Variants in MACF1 observed in about 807,000 individuals in gnomAD.
MACF1 encodes microtubule actin crosslinking factor 1, also known as microtubule-actin cross-linking factor 1.
In MACF1, 193 loss-of-function variants were observed where a neutral mutation model predicts 854.8. The observed-to-expected ratio is 0.23, with a 90% CI of 0.20 to 0.25. The LOEUF (loss-of-function observed/expected upper bound fraction) is 0.25, where lower values mean the gene tolerates loss of function less well. Among genes scored for constraint, MACF1 ranks in the 10% least tolerant of loss-of-function variants. The probability of loss-of-function intolerance (pLI) is 1.00; values close to 1 mark genes in which losing one functional copy is unlikely to be tolerated. For missense variants in MACF1, 7,722 were observed against 8,929.1 expected, an observed-to-expected ratio of 0.86 and a Z score of 5.45; for synonymous variants, 3,185 against 3,226.7, an observed-to-expected ratio of 0.99 and a Z score of 0.44.
At chr1:39,153,718 T>A (rs754695711) in intron 2 of MACF1, among the ~76,000 whole-genome samples, 2 of 152,206 alleles carry the variant, frequency 1.3e-5, no homozygotes, top group Non-Finnish European at 2.9e-5. Flanking sequence ...TCCTTCGAAG[T>A]ATGAAGCCTG....
chr1:39,433,261 T>C (rs898862705), intron 68 of MACF1, 106 bp downstream of exon 68: 1 of 610,876 alleles, frequency 1.6e-6, no homozygotes, highest in Non-Finnish European at 2.8e-6. Flanking sequence ...CCTGGACTTT[T>C]CTTATGATTG....
rs779932581 is a variant in MACF1, at chr1:39,332,104, T to G, written c.5516T>G (p.Leu1839Arg). 5 of 1,614,092 alleles carry G rather than the reference T, an allele frequency of 3.1e-6. No homozygotes were observed. In the South Asian group the frequency reaches 5.5e-5, roughly 18 times the overall value. Residue 1839 changes from leucine (L) to arginine (R), a missense_variant, in exon 37 of 101, where the codon CTT becomes CGT. This residue lies in a region of MACF1 where 1,531 missense variants were observed against 1,601.6 expected (regional missense o/e 0.96). Coordinates refer to ENST00000564288, the MANE Select transcript of MACF1 (RefSeq NM_001394062.1). ...GATCTAGTAGCTGCTAAGATCGCCC[T>G]TGTGATTCTGGAGTCCCTCTGGTCA... ...SNDLVAAKIA[L>R]VILESLWSFM... is the part of the protein sequence containing the mutation.
intron 23 of MACF1, among the ~76,000 whole-genome samples, chr1:39,303,293 T>C (rs1646088311): frequency 6.6e-6 from 1 of 152,242 alleles, no homozygotes; most frequent in Non-Finnish European, 1.5e-5. Context: ...TTCAGTGATA[T>C]TTCTTTTTTA....
intron 99 of MACF1, among the ~76,000 whole-genome samples, chr1:39,483,253 C>G (rs1645049152): frequency 1.3e-5 from 2 of 152,118 alleles, no homozygotes; most frequent in African/African-American, 4.8e-5. Flanking sequence ...TTGGGAAATG[C>G]TTCTATTCAT....
chr1:39,096,064 G>C (rs1267252258), intron 2 of MACF1, among the ~76,000 whole-genome samples: 2 of 151,822 alleles, frequency 1.3e-5, no homozygotes, highest in African/African-American at 4.9e-5. Context: ...AACCACTCAG[G>C]AGGCTGAGGT....
intron 6 of MACF1, among the ~76,000 whole-genome samples, chr1:39,264,714 C>T (rs372316821): frequency 1.8e-3 from 251 of 140,816 alleles, no homozygotes; most frequent in East Asian, 0.017. Flanking sequence ...TCGCCCAGGC[C>T]GGACTGCGGA....
intron 49 of MACF1, among the ~76,000 whole-genome samples, chr1:39,362,011 A>G (rs1306411225): frequency 6.6e-6 from 1 of 152,196 alleles, no homozygotes; most frequent in African/African-American, 2.4e-5. Context: ...GGCATATTAT[A>G]TTTATTTACA....
chr1:39,385,218 C>T (rs1312510093), intron 56 of MACF1, among the ~76,000 whole-genome samples: 2 of 152,098 alleles, frequency 1.3e-5, no homozygotes, highest in East Asian at 1.9e-4. Flanking sequence ...CAGGTGTTCA[C>T]CAGCACGCCC....
At chr1:39,253,333 G>A (rs1645062806) in intron 4 of MACF1, among the ~76,000 whole-genome samples, 1 of 152,058 alleles carries the variant, frequency 6.6e-6, no homozygotes, top group Non-Finnish European at 1.5e-5. Flanking sequence ...CACTATCAAA[G>A]TTTTGTTTGC....
chr1:39,090,900 C>G (rs996466807), intron 2 of MACF1, among the ~76,000 whole-genome samples: 26 of 152,176 alleles, frequency 1.7e-4, no homozygotes, highest in Admixed American at 9.2e-4. Context: ...CCTGGCTGGC[C>G]TCCTTTTTCT....
At chr1:39,479,707 A>G in intron 97 of MACF1, 91 bp from the exon 98 acceptor site, 1 of 1,059,092 alleles carries the variant, frequency 9.4e-7, no homozygotes, top group Non-Finnish European at 1.4e-6. Context: ...AACTTATATA[A>G]CTGTTATCAT....
intron 94 of MACF1, chr1:39,464,589 T>G (rs569887008): frequency 6.4e-6 from 1 of 156,918 alleles, no homozygotes; most frequent in South Asian, 1.9e-4. Flanking sequence ...CAACATAGCA[T>G]GGAGAGTTAG....
chr1:39,165,592 C>T (rs1158369895), intron 2 of MACF1, among the ~76,000 whole-genome samples: 1 of 152,138 alleles, frequency 6.6e-6, no homozygotes, highest in African/African-American at 2.4e-5. Flanking sequence ...GCATACAATA[C>T]CATTTTCCCC....
chr1:39,363,586 CTCTT>C (rs145803766), intron 49 of MACF1, among the ~76,000 whole-genome samples: 36 of 143,318 alleles, frequency 2.5e-4, no homozygotes, highest in Middle Eastern at 3.6e-3. Context: ...ATCAACAAGA[CTCTT>C]TCTTTCTTTC....
At chr1:39,094,913 CA>C (rs1339319682) in intron 2 of MACF1, among the ~76,000 whole-genome samples, 3 of 151,856 alleles carry the variant, frequency 2.0e-5, no homozygotes, top group African/African-American at 7.3e-5. Context: ...ACAAAAACCA[CA>C]AAACACACAG....
chr1:39,239,009 T>C (rs1041640683), intron 2 of MACF1, among the ~76,000 whole-genome samples: 10 of 152,224 alleles, frequency 6.6e-5, no homozygotes, highest in East Asian at 3.9e-4. Flanking sequence ...TGGCTAGGCA[T>C]GGTGGTTCAT....
chr1:39,213,467 G>T (rs571863762), intron 1 of MACF1, among the ~76,000 whole-genome samples: 2 of 152,256 alleles, frequency 1.3e-5, no homozygotes, highest in East Asian at 3.9e-4. Flanking sequence ...AAGTAGCTGG[G>T]ATTACAGGCA....
chr1:39,438,725 C>T (rs1369016788), intron 71 of MACF1, among the ~76,000 whole-genome samples: 1 of 151,828 alleles, frequency 6.6e-6, no homozygotes, highest in Non-Finnish European at 1.5e-5. Flanking sequence ...TTGCAGTGAG[C>T]CAAGATCACA....
At chr1:39,191,299 T>A (rs529010579) in intron 2 of MACF1, among the ~76,000 whole-genome samples, 10 of 152,114 alleles carry the variant, frequency 6.6e-5, no homozygotes, top group Admixed American at 3.3e-4. Flanking sequence ...TTATTATTGC[T>A]TAAGATAGCT....
Sources: allele counts gnomAD v4.1 joint callset (sites outside exome capture counted in the v4.1 genomes callset), GRCh38; gene constraint gnomAD v4.1.1; regional missense constraint gnomAD v4.1.1; transcripts MANE v1.5; gene names NCBI Gene and HGNC (gene_info 2026-07-23, HGNC 2026-07-21).